Variants in LSP1 observed in about 807,000 individuals in gnomAD.
LSP1 encodes the protein lymphocyte specific protein 1.
A neutral mutation model predicts 49.3 loss-of-function variants in LSP1; 32 were observed. The observed-to-expected ratio is 0.65, with a 90% CI of 0.49 to 0.87. The LOEUF is 0.87. LSP1 is among the 40% of genes least tolerant of loss of function. The probability of loss-of-function intolerance (pLI) is 0.00; values close to 1 mark genes in which losing one functional copy is unlikely to be tolerated. For missense variants in LSP1, 428 were observed against 442.6 expected (o/e 0.97, Z 0.30); for synonymous variants, 179 against 178.8 (o/e 1.00, Z -0.01).
intron 10 of LSP1, chr11:1,889,017 G>C (rs1848870497): frequency 1.8e-6 from 1 of 566,098 alleles, no homozygotes; most frequent in African/African-American, 2.0e-5. Flanking sequence ...TTCCCAGGCT[G>C]CCCTGCACCC....
chr11:1,889,668 G>A (rs1848906584), intron 10 of LSP1: 2 of 633,164 alleles, frequency 3.2e-6, no homozygotes, highest in Admixed American at 2.7e-5. Context: ...CACTCGCTCG[G>A]CCTCAGCGGC....
chr11:1,884,113 C>G lies in LSP1; in HGVS notation c.591+89C>G. The G allele has an allele frequency of 6.8e-7, 1 of 1,463,662 alleles. No individual in the cohort carries two copies. The highest frequency in any genetic ancestry group is 9.5e-7 in the Non-Finnish European group (1 of 1,055,998). 90.7% of individuals were successfully genotyped at this position (1,463,662 alleles called of 1,614,324 possible). A position where few individuals can be genotyped will look rare whatever the true frequency, so the allele number is the denominator to read the frequency against. On this transcript the variant is annotated intron_variant, in intron 5 of 10. Transcript: ENST00000311604. The surrounding 1 kb of genome is among the most constrained non-coding windows in gnomAD (Gnocchi z 4.1). ...TCCCACATGCCAGCCACAGGAAGACCAGGCCCAGGCCTGGCTTTTGTCTGC... is the reference window on the plus strand; with the variant it reads ...TCCCACATGCCAGCCACAGGAAGACGAGGCCCAGGCCTGGCTTTTGTCTGC...
intron 9 of LSP1, 45 bp downstream of exon 9, chr11:1,887,359 G>A: frequency 6.3e-7 from 1 of 1,598,240 alleles, no homozygotes; most frequent in Admixed American, 1.7e-5. Context: ...GGTGCAGCAG[G>A]GGAGGGCAAA....
At chr11:1,883,788 C>T in intron 4 of LSP1, 144 bp from the exon 5 acceptor site, 3 of 907,566 alleles carry the variant, frequency 3.3e-6, no homozygotes, top group Non-Finnish European at 5.1e-6. Context: ...CAGTCCCTCC[C>T]CACCAGCTCC....
Position 1,883,540 on chromosome 11 carries a change from G to A in LSP1, c.478G>A (p.Ala160Thr). ...CCAGGACAACCTGGGGGCCGCAGGG[G>A]CTGAGGAGGAACAGGAGGAGGTGAT... ...TVQDNLGAAG[A>T]EEEQEEHQKC... is the part of the protein sequence containing the mutation. Residue 160 changes from alanine to threonine, a missense_variant, in exon 4 of 11, where the codon GCT (alanine) becomes ACT (threonine). By Grantham distance (58) the Ala-to-Thr change is moderately conservative. Transcript: ENST00000311604. 6.2e-7 allele frequency: 1 copy of A among 1,612,654 alleles called. No individual in the cohort carries two copies. The highest frequency in any genetic ancestry group is 8.5e-7 in the Non-Finnish European group (1 of 1,179,626).
intron 1 of LSP1, among the ~76,000 whole-genome samples, chr11:1,874,693 GC>G (rs1848233959): frequency 1.3e-5 from 2 of 152,154 alleles, no homozygotes; most frequent in Non-Finnish European, 2.9e-5. Flanking sequence ...CCCTCCGGCA[GC>G]CCCCAGGCCA....
intron 3 of LSP1, among the ~76,000 whole-genome samples, chr11:1,882,887 T>C (rs766353525): frequency 1.8e-4 from 27 of 152,222 alleles, no homozygotes; most frequent in Non-Finnish European, 3.7e-4. Context: ...AGCTGCCAGC[T>C]GGCTGGCCTC....
Position 1,884,419 on chromosome 11 carries a change from G to C in LSP1, c.636-81G>C. 3 of 1,605,424 alleles carry C rather than the reference G, an allele frequency of 1.9e-6. No individual in the cohort carries two copies. Among genetic ancestry groups the C allele is most frequent in the Non-Finnish European group, 2.6e-6 (3 of 1,172,228 alleles). On this transcript the variant is annotated intron_variant, in intron 6 of 10. Coordinates refer to ENST00000311604, the MANE Select transcript of LSP1 (RefSeq NM_002339.3). This position sits in a 1 kb window ranked among gnomAD's most constrained non-coding sequence, Gnocchi z 4.1. ...CACAAGGTAGAGATCTGGAGACCGA[G>C]GGGGGCTCTGGGAGAGGCTTGGGCA...
In LSP1 at chr11:1,878,422, C is replaced by T. The variant is rs566459917; in HGVS notation, c.54-1665C>T. The stretch of plus-strand genomic sequence containing the variant: ...GGTGTGGGGAATTAAGTGGCTTCCT[C>T]GGGGGCCGGGAGTTGAAGGCACTTC... On this transcript the variant is annotated intron_variant, in intron 1 of 10. Coordinates refer to ENST00000311604, the MANE Select transcript of LSP1 (RefSeq NM_002339.3). Among the ~76,000 whole-genome samples, 11 of 151,424 alleles carry T rather than the reference C, an allele frequency of 7.3e-5. No homozygotes were observed. The East Asian group carries it at 1.6e-3, about 21-fold the overall frequency.
At chr11:1,870,865 G>A in intron 1 of LSP1, 1 of 986,622 alleles carries the variant, frequency 1.0e-6, no homozygotes, top group Non-Finnish European at 1.2e-6. Flanking sequence ...CCTGCCTCGT[G>A]AGCACGGCAA....
chr11:1,874,624 G>C (rs1848230292), intron 1 of LSP1, among the ~76,000 whole-genome samples: 1 of 152,132 alleles, frequency 6.6e-6, no homozygotes, highest in African/African-American at 2.4e-5. Context: ...GCCAGCGTGG[G>C]AGGGAGGTGG....
At chr11:1,883,158 A>G (rs746182900) in intron 3 of LSP1, among the ~76,000 whole-genome samples, 1 of 152,188 alleles carries the variant, frequency 6.6e-6, no homozygotes, top group Non-Finnish European at 1.5e-5. Context: ...GGGGACCCTC[A>G]GTCTGTAGAG....
intron 10 of LSP1, chr11:1,888,796 C>T (rs1848861360): frequency 4.3e-6 from 1 of 233,882 alleles, no homozygotes; most frequent in East Asian, 8.3e-5. Flanking sequence ...GGCCCAGGCC[C>T]CTGAGGAGCC....
intron 1 of LSP1, among the ~76,000 whole-genome samples, chr11:1,858,059 G>A (rs1320071509): frequency 6.6e-6 from 1 of 152,192 alleles, no homozygotes; most frequent in Non-Finnish European, 1.5e-5. Flanking sequence ...CCCTGCCTTT[G>A]CCAAGCTTTT....
chr11:1,886,192 G>A (rs3781963), intron 7 of LSP1, among the ~76,000 whole-genome samples: 20,631 of 150,854 alleles, frequency 0.14, 1,505 homozygotes, highest in Middle Eastern at 0.25. Flanking sequence ...AATCAACGTC[G>A]TTGCATGCAA....
At position 1,872,938 on chromosome 11, in the gene LSP1, A is replaced by G. The variant is rs562653299; in HGVS notation, c.54-7149A>G. ...CTTCAGCAATGGAGGAGGCGACCCT[A>G]TCCCATCCCAAGTTGGACAGCAGTC... is the stretch of plus-strand genomic sequence containing the variant. On this transcript the variant is annotated intron_variant, in intron 1 of 10. Transcript: ENST00000311604. Among the ~76,000 whole-genome samples the G allele has an allele frequency of 4.6e-5, 7 of 152,022 alleles. No homozygotes were observed. The East Asian group carries it at 1.4e-3, about 29-fold the overall frequency.
At chr11:1,889,348 C>A in intron 10 of LSP1, 1 of 712,152 alleles carries the variant, frequency 1.4e-6, no homozygotes. Context: ...CGCCCTTGGG[C>A]CTCCGCCACT....
intron 1 of LSP1, among the ~76,000 whole-genome samples, chr11:1,873,563 G>C (rs1848135223): frequency 6.6e-6 from 1 of 151,202 alleles, no homozygotes; most frequent in Non-Finnish European, 1.5e-5. Context: ...AGAGGGAGGA[G>C]GGAAGAAGGA....
chr11:1,857,141 C>T (rs752129526), intron 1 of LSP1, among the ~76,000 whole-genome samples: 19 of 152,178 alleles, frequency 1.2e-4, no homozygotes, highest in African/African-American at 3.9e-4. Flanking sequence ...GGCTGGCAGG[C>T]GCTGCTGTCC....
Sources: allele counts gnomAD v4.1 joint callset (sites outside exome capture counted in the v4.1 genomes callset), GRCh38; gene constraint gnomAD v4.1.1; non-coding constraint Gnocchi (gnomAD v3.1); transcripts MANE v1.5; gene names NCBI Gene and HGNC (gene_info 2026-07-23, HGNC 2026-07-21).